Variants in SLC35F4 observed in about 807,000 individuals in gnomAD.
SLC35F4 encodes solute carrier family 35 member F4.
SLC35F4 carries 24 observed loss-of-function variants against 44.2 expected under a neutral mutation model. That is an observed-to-expected ratio of 0.54 (90% CI 0.39 to 0.76). The LOEUF is 0.76. SLC35F4 is among the 30% of genes least tolerant of loss of function. The pLI is 0.00. For missense variants in SLC35F4, 562 were observed against 586.1 expected, an observed-to-expected ratio of 0.96 and a Z score of 0.42; for synonymous variants, 238 against 223.6, an observed-to-expected ratio of 1.06 and a Z score of -0.57.
At position 57,744,194 on chromosome 14, in the gene SLC35F4, C is replaced by G. The variant is rs562182909; in HGVS notation, c.103+121529G>C. Among the ~76,000 whole-genome samples, 317 of 152,274 alleles carry G rather than the reference C, an allele frequency of 2.1e-3. 2 individuals are homozygous for G. Among genetic ancestry groups the G allele is most frequent in the Middle Eastern group, 0.01 (3 of 294 alleles). On this transcript the variant is annotated intron_variant, in intron 1 of 7. Transcript: ENST00000556826. ...GACAGGGATGCCCTCTCTCACACTC[C>G]TATTCAACATAGTGTTGGAAGTTCT...
At chr14:57,754,098 C>CTTT (rs1200175550) in intron 1 of SLC35F4, among the ~76,000 whole-genome samples, 225 of 110,450 alleles carry the variant, frequency 2.0e-3, no homozygotes, top group African/African-American at 2.6e-3. Context: ...TAACCCAATG[C>CTTT]TTTTTTTTTT....
chr14:57,650,103 C>T (rs1015753736), intron 1 of SLC35F4, among the ~76,000 whole-genome samples: 2 of 152,112 alleles, frequency 1.3e-5, no homozygotes, highest in Admixed American at 6.6e-5. Context: ...GACTTCTCCA[C>T]CTTATCATTA....
chr14:57,846,264 T>C (rs938091303), intron 1 of SLC35F4, among the ~76,000 whole-genome samples: 3 of 152,200 alleles, frequency 2.0e-5, no homozygotes, highest in African/African-American at 7.2e-5. Flanking sequence ...AATTTCTCCC[T>C]AGGATGAAGA....
At chr14:57,724,414 T>C (rs1282586794) in intron 1 of SLC35F4, among the ~76,000 whole-genome samples, 3 of 152,198 alleles carry the variant, frequency 2.0e-5, no homozygotes, top group Non-Finnish European at 1.5e-5. Flanking sequence ...TGGGTTTTGG[T>C]GGAAACTGAA....
At chr14:57,629,031 G>A (rs907195251) in intron 1 of SLC35F4, among the ~76,000 whole-genome samples, 5 of 152,096 alleles carry the variant, frequency 3.3e-5, no homozygotes, top group East Asian at 1.9e-4. Flanking sequence ...ATTTACCATC[G>A]GATACAGGTG....
At chr14:57,596,371 T>C (rs2070487864) in intron 1 of SLC35F4, 2 of 236,812 alleles carry the variant, frequency 8.4e-6, no homozygotes, top group African/African-American at 2.3e-5. Flanking sequence ...TATTATACCT[T>C]GTACAGCTAT....
At chr14:57,915,402 A>C (rs1039943224) in intron 1 of SLC35F4, among the ~76,000 whole-genome samples, 1 of 152,058 alleles carries the variant, frequency 6.6e-6, no homozygotes, top group Non-Finnish European at 1.5e-5. Context: ...TTCCCTCCTA[A>C]GCATACTCTT....
chr14:57,658,506 A>G (rs1023397106), intron 1 of SLC35F4, among the ~76,000 whole-genome samples: 1 of 152,212 alleles, frequency 6.6e-6, no homozygotes, highest in Non-Finnish European at 1.5e-5. Flanking sequence ...GAGAATGAAG[A>G]AGTTCCTTTA....
At chr14:57,795,452 C>T (rs888909397) in intron 1 of SLC35F4, among the ~76,000 whole-genome samples, 5 of 152,282 alleles carry the variant, frequency 3.3e-5, no homozygotes, top group South Asian at 2.1e-4. Context: ...CCTAACTGAA[C>T]ATATCGAAGT....
chr14:57,932,338 C>T (rs908475468), intron 1 of SLC35F4, among the ~76,000 whole-genome samples: 4 of 152,292 alleles, frequency 2.6e-5, no homozygotes, highest in East Asian at 1.9e-4. Flanking sequence ...ACACCTGCTT[C>T]GAATCATAAT....
At chr14:57,609,055 A>T (rs2071337549) in intron 1 of SLC35F4, among the ~76,000 whole-genome samples, 1 of 152,130 alleles carries the variant, frequency 6.6e-6, no homozygotes, top group Non-Finnish European at 1.5e-5. Context: ...CTATGCAGAG[A>T]TTTTGAAAAC....
chr14:57,837,496 C>G (rs1234574520), intron 1 of SLC35F4: 1 of 152,210 alleles, frequency 6.6e-6, no homozygotes, highest in Non-Finnish European at 1.5e-5. Flanking sequence ...GGGTAGACCT[C>G]CTCCAATTGG....
intron 1 of SLC35F4, among the ~76,000 whole-genome samples, chr14:57,635,900 A>T (rs1030836147): frequency 2.0e-5 from 3 of 152,158 alleles, no homozygotes; most frequent in African/African-American, 7.2e-5. Flanking sequence ...TCACTACTTC[A>T]ACAGCATGTG....
chr14:57,906,241 G>A (rs1254235313), intron 1 of SLC35F4, among the ~76,000 whole-genome samples: 1 of 152,196 alleles, frequency 6.6e-6, no homozygotes, highest in African/African-American at 2.4e-5. Context: ...AAAGATGACT[G>A]CCACTTACAA....
chr14:57,856,132 G>C (rs1362320170), intron 1 of SLC35F4, among the ~76,000 whole-genome samples: 1 of 151,784 alleles, frequency 6.6e-6, no homozygotes, highest in Non-Finnish European at 1.5e-5. Context: ...TCTACCTCCC[G>C]AGTAGCTGGG....
intron 1 of SLC35F4, among the ~76,000 whole-genome samples, chr14:57,825,946 A>G (rs777229350): frequency 4.6e-5 from 7 of 152,210 alleles, no homozygotes; most frequent in Non-Finnish European, 8.8e-5. Flanking sequence ...GCCCAAAGTA[A>G]TTTATAGATT....
At chr14:57,816,741 C>A (rs527342779) in intron 1 of SLC35F4, among the ~76,000 whole-genome samples, 1 of 152,246 alleles carries the variant, frequency 6.6e-6, no homozygotes, top group African/African-American at 2.4e-5. Flanking sequence ...AATCTTTGAC[C>A]AATGGGGGAT....
At chr14:57,915,373 C>T (rs903869799) in intron 1 of SLC35F4, among the ~76,000 whole-genome samples, 2 of 152,162 alleles carry the variant, frequency 1.3e-5, no homozygotes, top group African/African-American at 2.4e-5. Flanking sequence ...CAAATGGTCA[C>T]TTGGCCACAC....
intron 1 of SLC35F4, among the ~76,000 whole-genome samples, chr14:57,626,955 T>A (rs911207713): frequency 3.9e-5 from 6 of 152,152 alleles, no homozygotes; most frequent in Admixed American, 6.6e-5. Context: ...ATTTACTGTA[T>A]GTGAGTTCCT....
Sources: gnomAD v4.1 joint callset for allele counts (sites outside exome capture counted in the v4.1 genomes callset) on GRCh38, gnomAD v4.1.1 for gene constraint, MANE v1.5 for transcripts, NCBI Gene and HGNC (gene_info 2026-07-23, HGNC 2026-07-21) for gene names.